Variants in UGT1A5 observed in about 807,000 individuals in gnomAD.
UGT1A5 encodes the protein UDP glucuronosyltransferase family 1 member A5.
In UGT1A5, 29 loss-of-function variants were observed where a neutral mutation model predicts 40.3. The observed-to-expected ratio is 0.72, with a 90% CI of 0.54 to 0.98. The LOEUF (loss-of-function observed/expected upper bound fraction) is 0.98, where lower values mean the gene tolerates loss of function less well. UGT1A5 is among the 50% of genes least tolerant of loss of function. The probability of loss-of-function intolerance (pLI) is 0.00; values close to 1 mark genes in which losing one functional copy is unlikely to be tolerated. For synonymous variants in UGT1A5, 257 were observed against 262.5 expected, an observed-to-expected ratio of 0.98 and a Z score of 0.20; for missense variants, 678 against 677.9, an observed-to-expected ratio of 1.00 and a Z score of 0.00.
intron 1 of UGT1A5, chr2:233,717,680 G>T: frequency 2.3e-6 from 1 of 437,998 alleles, no homozygotes; most frequent in Admixed American, 2.4e-5. Context: ...GCGAGCACAT[G>T]TAGGAGTGAC....
At chr2:233,770,376 A>T (rs1000336049) in intron 4 of UGT1A5, 3 of 152,228 alleles carry the variant, frequency 2.0e-5, no homozygotes, top group African/African-American at 4.8e-5. Flanking sequence ...AGTTCTGGCC[A>T]GGTACGGTGG....
At chr2:233,717,277 G>A (rs2076561985) in intron 1 of UGT1A5, among the ~76,000 whole-genome samples, 1 of 152,160 alleles carries the variant, frequency 6.6e-6, no homozygotes, top group African/African-American at 2.4e-5. Context: ...TTGAGAAGCT[G>A]AGATGTTGCA....
chr2:233,726,566 C>T (rs772348074), intron 1 of UGT1A5, among the ~76,000 whole-genome samples: 3 of 152,296 alleles, frequency 2.0e-5, no homozygotes, highest in South Asian at 2.1e-4. Flanking sequence ...CCCACTCTTA[C>T]GCCTGTCTCC....
At chr2:233,717,042 C>A (rs1248182808) in intron 1 of UGT1A5, among the ~76,000 whole-genome samples, 1 of 152,282 alleles carries the variant, frequency 6.6e-6, no homozygotes, top group South Asian at 2.1e-4. Context: ...GATACATGGG[C>A]CTCCGCAGGG....
chr2:233,722,513 C>T (rs940650282), intron 1 of UGT1A5, among the ~76,000 whole-genome samples: 2 of 152,128 alleles, frequency 1.3e-5, no homozygotes, highest in Non-Finnish European at 2.9e-5. Flanking sequence ...TTAATTGCAG[C>T]TTATTTTTGC....
At chr2:233,722,463 G>A (rs1258292673) in intron 1 of UGT1A5, among the ~76,000 whole-genome samples, 2 of 152,154 alleles carry the variant, frequency 1.3e-5, no homozygotes, top group Admixed American at 6.5e-5. Flanking sequence ...AATAACTGTG[G>A]AATTTGTATA....
At chr2:233,760,684 A>G in intron 1 of UGT1A5, 1 of 1,614,204 alleles carries the variant, frequency 6.2e-7, no homozygotes, top group Non-Finnish European at 8.5e-7. Context: ...CTTACTGCAC[A>G]ACAAGGAGCT....
chr2:233,728,952 CA>C (rs1350442582), intron 1 of UGT1A5, among the ~76,000 whole-genome samples: 1 of 152,152 alleles, frequency 6.6e-6, no homozygotes, highest in African/African-American at 2.4e-5. Flanking sequence ...GTGGGGCCCA[CA>C]GTGAAAAACA....
At chr2:233,734,048 T>C (rs547388406) in intron 1 of UGT1A5, among the ~76,000 whole-genome samples, 1 of 152,234 alleles carries the variant, frequency 6.6e-6, no homozygotes, top group East Asian at 1.9e-4. Flanking sequence ...ATGGCACATG[T>C]ATACATATGT....
chr2:233,722,017 A>G (rs2125685673), intron 1 of UGT1A5: 1 of 254,974 alleles, frequency 3.9e-6, no homozygotes, highest in Non-Finnish European at 7.8e-6. Context: ...AGGAAAACTG[A>G]AACCTCTTGA....
At chr2:233,734,123 A>ATAATAAT (rs1384319848) in intron 1 of UGT1A5, among the ~76,000 whole-genome samples, 2 of 151,918 alleles carry the variant, frequency 1.3e-5, no homozygotes, top group Non-Finnish European at 2.9e-5. Flanking sequence ...AATAATAATA[A>ATAATAAT]AAAGAATTTG....
intron 1 of UGT1A5, among the ~76,000 whole-genome samples, chr2:233,735,983 G>A (rs541234939): frequency 2.6e-5 from 4 of 152,114 alleles, no homozygotes; most frequent in Non-Finnish European, 5.9e-5. Context: ...TGACAATTAT[G>A]TGTCTTGGAG....
intron 1 of UGT1A5, among the ~76,000 whole-genome samples, chr2:233,727,281 G>A (rs1431266686): frequency 6.6e-6 from 1 of 152,122 alleles, no homozygotes; most frequent in Non-Finnish European, 1.5e-5. Flanking sequence ...CCAGACCCTG[G>A]AAGCTGATGA....
In UGT1A5 at chr2:233,768,239, C is replaced by A. The variant is rs1699593098; in HGVS notation, c.1107C>A (p.Ala369=). Residue 369 remains alanine (A), a synonymous_variant, in exon 4 of 5, where the codon GCC becomes GCA. Coordinates refer to ENST00000373414, the MANE Select transcript of UGT1A5 (RefSeq NM_019078.2). ...NDLLGHPMTR[A]FITHAGSHGV... ...TCTCAGGTCACCCGATGACCCGTGC[C>A]TTTATCACCCATGCTGGTTCCCATG... 1 of 1,614,058 alleles carries A rather than the reference C, an allele frequency of 6.2e-7. No individual in the cohort carries two copies. The highest frequency in any genetic ancestry group is 1.3e-5 in the African/African-American group (1 of 74,904).
At chr2:233,738,071 C>T (rs905760849) in intron 1 of UGT1A5, among the ~76,000 whole-genome samples, 5 of 152,114 alleles carry the variant, frequency 3.3e-5, no homozygotes, top group Non-Finnish European at 7.3e-5. Flanking sequence ...AGGTCCCCAC[C>T]TCCTAATCTC....
At chr2:233,748,112 C>T in intron 1 of UGT1A5, 1 of 1,611,964 alleles carries the variant, frequency 6.2e-7, no homozygotes, top group South Asian at 1.1e-5. Flanking sequence ...AATCAATGTT[C>T]CAGGCAAAAC....
At chr2:233,728,384 G>T (rs533416663) in intron 1 of UGT1A5, among the ~76,000 whole-genome samples, 3 of 152,276 alleles carry the variant, frequency 2.0e-5, no homozygotes, top group Admixed American at 1.3e-4. Flanking sequence ...TCTTTGCTAG[G>T]GTTGTCTTGC....
intron 1 of UGT1A5, chr2:233,719,117 G>T (rs761490999): frequency 6.2e-7 from 1 of 1,614,140 alleles, no homozygotes; most frequent in African/African-American, 1.3e-5. Flanking sequence ...ACACTCAAGG[G>T]TTCTTTGAAA....
Position 233,743,631 on chromosome 2 carries a change from G to T in UGT1A5, c.868-23403G>T, listed in dbSNP as rs1346320649. Reference sequence around the variant, plus strand: ...AAGAACTCCCTGAAGACGTCGGCTGGGTCGCGGAAGCTGAAGACGTACTCG... The same window carrying T: ...AAGAACTCCCTGAAGACGTCGGCTGTGTCGCGGAAGCTGAAGACGTACTCG... On this transcript the variant is annotated intron_variant, in intron 1 of 4. Transcript: ENST00000373414. The T allele has an allele frequency of 2.2e-6, 3 of 1,367,310 alleles. No homozygotes were observed. The East Asian group carries it at 1.4e-4, about 62-fold the overall frequency. 84.7% of individuals were successfully genotyped at this position (1,367,310 alleles called of 1,614,324 possible).
Sources: allele counts gnomAD v4.1 joint callset (sites outside exome capture counted in the v4.1 genomes callset), GRCh38; gene constraint gnomAD v4.1.1; transcripts MANE v1.5; gene names NCBI Gene and HGNC (gene_info 2026-07-23, HGNC 2026-07-21).